Variants in SEM1 observed in about 807,000 individuals in gnomAD.
SEM1 encodes the protein 26S proteasome complex subunit SEM1.
SEM1 carries 3 observed loss-of-function variants against 12.7 expected under a neutral mutation model. That is an observed-to-expected ratio of 0.24 (90% CI 0.11 to 0.61). The LOEUF (loss-of-function observed/expected upper bound fraction) is 0.61. Ranked by LOEUF, SEM1 falls within the 20% of genes least tolerant of loss-of-function variation. The pLI, the probability that SEM1 is intolerant of heterozygous loss-of-function variation, is 0.88. For synonymous variants in SEM1, 30 were observed against 27.8 expected, an observed-to-expected ratio of 1.08 and a Z score of -0.25; for missense variants, 59 against 81.3, an observed-to-expected ratio of 0.73 and a Z score of 1.06.
intron 2 of SEM1, among the ~76,000 whole-genome samples, chr7:96,674,416 G>A (rs1789401090): frequency 6.6e-6 from 1 of 152,114 alleles, no homozygotes; most frequent in Admixed American, 6.5e-5. Flanking sequence ...TGCTTTAAGA[G>A]GCCTAGGCAA....
intron 2 of SEM1, among the ~76,000 whole-genome samples, chr7:96,642,632 T>C (rs1808651225): frequency 6.6e-6 from 1 of 151,982 alleles, no homozygotes; most frequent in Admixed American, 6.6e-5. Context: ...AGGATATTAA[T>C]CCTACTAAAT....
chr7:96,581,987 G>T (rs1405581033), intron 2 of SEM1, among the ~76,000 whole-genome samples: 1 of 148,552 alleles, frequency 6.7e-6, no homozygotes, highest in Non-Finnish European at 1.5e-5. Context: ...TAATTGCCCT[G>T]GCCAGAACTT....
At chr7:96,597,262 ACACT>A (rs1276643826) in intron 2 of SEM1, among the ~76,000 whole-genome samples, 1 of 152,198 alleles carries the variant, frequency 6.6e-6, no homozygotes, top group Non-Finnish European at 1.5e-5. Flanking sequence ...TGCATCTAAA[ACACT>A]CAGGAGCATA....
intron 2 of SEM1, among the ~76,000 whole-genome samples, chr7:96,552,655 G>A (rs1324248265): frequency 6.7e-6 from 1 of 149,118 alleles, no homozygotes; most frequent in African/African-American, 2.5e-5. Flanking sequence ...AAACATACGT[G>A]TGCATGTGTC....
At chr7:96,521,029 G>T (rs1804250703) in intron 2 of SEM1, among the ~76,000 whole-genome samples, 1 of 151,972 alleles carries the variant, frequency 6.6e-6, no homozygotes, top group Non-Finnish European at 1.5e-5. Flanking sequence ...TTATTTTGCT[G>T]CAAAACCTCA....
At chr7:96,483,679 A>T in exon 4 of SEM1, 1 of 682,894 alleles carries the variant, frequency 1.5e-6, no homozygotes, top group Non-Finnish European at 2.5e-6. Flanking sequence ...AATGCTTCTA[A>T]TCATAATTCA....
At chr7:96,672,431 C>T (rs1789341831), downstream of SEM1, 1 of 152,208 alleles carries the variant, frequency 6.6e-6, no homozygotes, top group South Asian at 2.1e-4. Flanking sequence ...TTCATCCCTG[C>T]TGAGTTTTTC....
chr7:96,680,924 A>G (rs1250535284), intron 2 of SEM1, among the ~76,000 whole-genome samples: 2 of 152,090 alleles, frequency 1.3e-5, no homozygotes, highest in Non-Finnish European at 2.9e-5. Context: ...ATCAGGCAGT[A>G]TTGGAGAGCA....
intron 2 of SEM1, among the ~76,000 whole-genome samples, chr7:96,597,803 GT>G (rs1807051768): frequency 6.6e-6 from 1 of 151,840 alleles, no homozygotes; most frequent in Admixed American, 6.6e-5. Context: ...AATCCACCTA[GT>G]TATCTTCTGC....
At chr7:96,607,995 G>A (rs1272237069) in intron 2 of SEM1, among the ~76,000 whole-genome samples, 1 of 152,164 alleles carries the variant, frequency 6.6e-6, no homozygotes, top group African/African-American at 2.4e-5. Flanking sequence ...CTGATAAGGA[G>A]GTGTACTTAT....
intron 2 of SEM1, among the ~76,000 whole-genome samples, chr7:96,631,367 A>G (rs1335858863): frequency 1.3e-5 from 2 of 152,058 alleles, no homozygotes; most frequent in Non-Finnish European, 2.9e-5. Context: ...GCATCAGTTA[A>G]GTTTCATCCA....
chr7:96,633,551 A>C (rs967780577), intron 2 of SEM1, among the ~76,000 whole-genome samples: 4 of 152,176 alleles, frequency 2.6e-5, no homozygotes, highest in Non-Finnish European at 2.9e-5. Context: ...TTCCATACTG[A>C]AGTAATAAAT....
chr7:96,484,708 C>T (rs2117194520), intron 3 of SEM1: 1 of 511,448 alleles, frequency 2.0e-6, no homozygotes, highest in Admixed American at 3.2e-5. Context: ...AAGCGCCTCC[C>T]AAATCCTAAC....
At chr7:96,684,521 G>A (rs1043748266), downstream of SEM1, among the ~76,000 whole-genome samples, 1 of 152,176 alleles carries the variant, frequency 6.6e-6, no homozygotes, top group Non-Finnish European at 1.5e-5. Flanking sequence ...GGGAAGGGAA[G>A]AATGGAAAAG....
chr7:96,564,538 C>A (rs547349199), intron 2 of SEM1, among the ~76,000 whole-genome samples: 1 of 152,124 alleles, frequency 6.6e-6, no homozygotes, highest in South Asian at 2.1e-4. Flanking sequence ...GGAAGAGCCA[C>A]GTTCTTTTTT....
At chr7:96,649,057 C>T (rs1382990627) in intron 2 of SEM1, 3 of 152,218 alleles carry the variant, frequency 2.0e-5, no homozygotes, top group African/African-American at 7.2e-5. Flanking sequence ...TGAAAGTCCC[C>T]CTCGCTATTG....
chr7:96,657,402 T>A (rs2116493793), intron 2 of SEM1, among the ~76,000 whole-genome samples: 1 of 152,306 alleles, frequency 6.6e-6, no homozygotes, highest in East Asian at 1.9e-4. Context: ...CACTTCAGCA[T>A]CTTTATCCAG....
chr7:96,701,523 T>C (rs1790275000), intron 1 of SEM1, among the ~76,000 whole-genome samples: 1 of 152,112 alleles, frequency 6.6e-6, no homozygotes, highest in Non-Finnish European at 1.5e-5. Flanking sequence ...AGAAAATAAA[T>C]CTCTGATGTT....
chr7:96,486,242 G>A, exon 2 of SEM1: 1 of 1,536,784 alleles, frequency 6.5e-7, no homozygotes, highest in Non-Finnish European at 8.7e-7. Flanking sequence ...TCTGGAGTTG[G>A]GCATCTCCAA....
Sources: gnomAD v4.1 joint callset for allele counts (sites outside exome capture counted in the v4.1 genomes callset) on GRCh38, gnomAD v4.1.1 for gene constraint, MANE v1.5 for transcripts, NCBI Gene and HGNC (gene_info 2026-07-23, HGNC 2026-07-21) for gene names.